Variants in ESR1 observed in about 807,000 individuals in gnomAD.
The protein encoded by ESR1 is estrogen receptor 1.
In ESR1, 12 loss-of-function variants were observed where a neutral mutation model predicts 52.7. The ratio of observed to expected loss-of-function variants is 0.23; its 90% CI spans 0.15 to 0.37. ESR1 has a LOEUF of 0.37. ESR1 is among the 10% of genes least tolerant of loss of function. The pLI is 1.00. For synonymous variants in ESR1, 305 were observed against 316.8 expected (o/e 0.96, Z 0.39); for missense variants, 584 against 779.7 (o/e 0.75, Z 2.99).
At chr6:151,703,730 G>A (rs752115844) in intron 2 of ESR1, among the ~76,000 whole-genome samples, 2 of 152,142 alleles carry the variant, frequency 1.3e-5, no homozygotes, top group East Asian at 1.9e-4. Flanking sequence ...GTCACTGGGG[G>A]TATGGATCTC....
chr6:151,707,344 T>G (rs2347637), intron 2 of ESR1, among the ~76,000 whole-genome samples: 32,135 of 151,970 alleles, frequency 0.21, 4,435 homozygotes, highest in Middle Eastern at 0.39. Context: ...TATGTATGTG[T>G]GTGGGTATAC....
chr6:151,806,943 A>G (rs755574955), upstream of ESR1, among the ~76,000 whole-genome samples: 1 of 152,102 alleles, frequency 6.6e-6, no homozygotes, highest in Non-Finnish European at 1.5e-5. Context: ...TCCTAATGGG[A>G]CCAAGTACAG....
At chr6:151,907,859 T>C (rs1797688540) in intron 3 of ESR1, among the ~76,000 whole-genome samples, 1 of 152,184 alleles carries the variant, frequency 6.6e-6, no homozygotes, top group South Asian at 2.1e-4. Context: ...AAGATTACTC[T>C]GCAAGCATCA....
upstream of ESR1, among the ~76,000 whole-genome samples, chr6:151,686,088 T>TTTTTTTTA (rs142764831): frequency 4.2e-5 from 6 of 143,156 alleles, no homozygotes; most frequent in East Asian, 2.4e-4. Context: ...TTTTTTTTTT[T>TTTTTTTTA]ATTTAGAGAC....
chr6:151,840,063 C>T (rs1186294365), intron 1 of ESR1, among the ~76,000 whole-genome samples: 1 of 152,094 alleles, frequency 6.6e-6, no homozygotes, highest in African/African-American at 2.4e-5. Context: ...ACTGTTCACT[C>T]ACTTATTCCT....
chr6:151,855,397 C>G (rs1787642753), intron 2 of ESR1, among the ~76,000 whole-genome samples: 2 of 152,058 alleles, frequency 1.3e-5, no homozygotes, highest in Non-Finnish European at 2.9e-5. Context: ...CATTTTTGCT[C>G]TCTTCACTTC....
intron 2 of ESR1, among the ~76,000 whole-genome samples, chr6:151,872,237 C>T (rs146526728): frequency 2.8e-4 from 42 of 152,246 alleles, no homozygotes; most frequent in Non-Finnish European, 4.1e-4. Context: ...GAGTTTATGA[C>T]GGAAATCTCA....
intron 2 of ESR1, among the ~76,000 whole-genome samples, chr6:151,775,187 C>T (rs1454535958): frequency 6.6e-6 from 1 of 152,170 alleles, no homozygotes; most frequent in African/African-American, 2.4e-5. Context: ...CCCAAAGAAA[C>T]AGAAGAACTC....
intron 4 of ESR1, among the ~76,000 whole-genome samples, chr6:151,973,918 C>T (rs780907722): frequency 1.3e-5 from 2 of 152,024 alleles, no homozygotes; most frequent in Non-Finnish European, 2.9e-5. Flanking sequence ...TTTCAGTTTT[C>T]GTCATTGATT....
At chr6:152,038,636 C>CTT (rs201087499) in intron 5 of ESR1, among the ~76,000 whole-genome samples, 2,003 of 148,478 alleles carry the variant, frequency 0.013, 16 homozygotes, top group Non-Finnish European at 0.022. Context: ...TCAATAAATA[C>CTT]TTTTTTTTTT....
chr6:151,853,219 A>AAAAG (rs1232167665), intron 2 of ESR1, among the ~76,000 whole-genome samples: 1 of 150,910 alleles, frequency 6.6e-6, no homozygotes, highest in Non-Finnish European at 1.5e-5. Context: ...GAAAGAAGGA[A>AAAAG]AAAGAAAGAA....
Position 152,010,401 on chromosome 6 carries a change from G to A in ESR1, c.1097-1255G>A, listed in dbSNP as rs9340966. Among the ~76,000 whole-genome samples the A allele has an allele frequency of 2.6e-4, 40 of 152,042 alleles. No individual in the cohort carries two copies. The East Asian group carries it at 5.1e-3, about 19-fold the overall frequency. On this transcript the variant is annotated intron_variant, in intron 4 of 7. Transcript: ENST00000206249. Reference sequence around the variant, plus strand: ...TCATGAGAGAAAAAGAAAAGAACACGCACACACATACACTCAACAGGATTC... The same window carrying A: ...TCATGAGAGAAAAAGAAAAGAACACACACACACATACACTCAACAGGATTC...
chr6:152,010,727 C>G (rs1475039578), intron 4 of ESR1, among the ~76,000 whole-genome samples: 1 of 152,084 alleles, frequency 6.6e-6, no homozygotes, highest in Non-Finnish European at 1.5e-5. Flanking sequence ...AATAAGCTCT[C>G]TGAGCATCTG....
intron 1 of ESR1, among the ~76,000 whole-genome samples, chr6:151,829,717 C>T (rs551304290): frequency 1.1e-4 from 17 of 152,268 alleles, no homozygotes; most frequent in East Asian, 5.8e-4. Flanking sequence ...ACCATTGTAG[C>T]GCCAGATGGG....
At chr6:151,878,981 C>T (rs976146389) in intron 2 of ESR1, among the ~76,000 whole-genome samples, 18 of 151,998 alleles carry the variant, frequency 1.2e-4, no homozygotes, top group African/African-American at 2.9e-4. Context: ...GTGTTGGGAG[C>T]GTACATTCTG....
At chr6:151,708,049 C>T (rs1780315274) in intron 2 of ESR1, among the ~76,000 whole-genome samples, 1 of 152,052 alleles carries the variant, frequency 6.6e-6, no homozygotes, top group African/African-American at 2.4e-5. Flanking sequence ...CCAACAAATA[C>T]AGGTTGATGT....
intron 5 of ESR1, among the ~76,000 whole-genome samples, chr6:152,057,677 A>G (rs1026942356): frequency 1.4e-5 from 2 of 138,866 alleles, no homozygotes; most frequent in Admixed American, 7.1e-5. Flanking sequence ...CATTCCCTAA[A>G]GGAACATACA....
chr6:152,057,937 C>T (rs1466716182), intron 5 of ESR1, among the ~76,000 whole-genome samples: 2 of 152,022 alleles, frequency 1.3e-5, no homozygotes, highest in African/African-American at 2.4e-5. Flanking sequence ...CTATGGGAGA[C>T]GATTGAAAAA....
chr6:151,856,336 G>A (rs573356591), intron 2 of ESR1, among the ~76,000 whole-genome samples: 34 of 152,102 alleles, frequency 2.2e-4, no homozygotes, highest in South Asian at 4.2e-4. Context: ...TAGCTTATAC[G>A]CCATAATTTT....
Sources: allele counts gnomAD v4.1 joint callset (sites outside exome capture counted in the v4.1 genomes callset), GRCh38; gene constraint gnomAD v4.1.1; transcripts MANE v1.5; gene names NCBI Gene and HGNC (gene_info 2026-07-23, HGNC 2026-07-21).